Variants in MRRF observed in about 807,000 individuals in gnomAD.
The protein encoded by MRRF is ribosome-recycling factor, mitochondrial.
In MRRF, 18 loss-of-function variants were observed where a neutral mutation model predicts 25.1. That is an observed-to-expected ratio of 0.72 (90% CI 0.50 to 1.06). The LOEUF (loss-of-function observed/expected upper bound fraction) is 1.06. Ranked by LOEUF, MRRF falls within the 50% of genes least tolerant of loss-of-function variation. MRRF has a pLI of 0.00. For missense variants in MRRF, 323 were observed against 319.3 expected, an observed-to-expected ratio of 1.01 and a Z score of -0.09; for synonymous variants, 113 against 112.1, an observed-to-expected ratio of 1.01 and a Z score of -0.05.
At chr9:122,281,519 G>A (rs1380712897) in intron 3 of MRRF, among the ~76,000 whole-genome samples, 1 of 152,248 alleles carries the variant, frequency 6.6e-6, no homozygotes, top group African/African-American at 2.4e-5. Context: ...CTAGAAGACT[G>A]TTCCCGTCAC....
chr9:122,285,775 TA>T (rs1379884760), intron 4 of MRRF: 1 of 1,265,974 alleles, frequency 7.9e-7, no homozygotes, highest in Non-Finnish European at 1.0e-6. Context: ...GTTTTTTTTT[TA>T]AAGACTATGA....
intron 5 of MRRF, among the ~76,000 whole-genome samples, chr9:122,299,643 C>T (rs1408593107): frequency 2.6e-5 from 4 of 151,992 alleles, no homozygotes; most frequent in East Asian, 1.9e-4. Context: ...AAGCCTTGGA[C>T]ACTTCAAGGT....
At position 122,323,741 on chromosome 9, in the gene MRRF, G is replaced by A. The variant is rs376323893; in HGVS notation, c.*1124G>A. The A allele has an allele frequency of 1.9e-4, 29 of 152,288 alleles. 1 individual carries two copies. The highest frequency in any genetic ancestry group is 6.5e-4 in the African/African-American group (27 of 41,544). 9.4% of individuals were successfully genotyped at this position (152,288 alleles called of 1,614,324 possible). A position where few individuals can be genotyped will look rare whatever the true frequency, so the allele number is the denominator to read the frequency against. On this transcript the variant is annotated 3_prime_UTR_variant, in exon 7 of 7. Coordinates refer to ENST00000344641, the MANE Select transcript of MRRF (RefSeq NM_138777.5). ...TATAATCTTGACAGTAAACTTAAGA[G>A]ATGTGTATTATCTTCATTTACAAAT...
intron 2 of MRRF, among the ~76,000 whole-genome samples, chr9:122,276,702 A>G (rs1275618918): frequency 2.0e-5 from 3 of 152,150 alleles, no homozygotes; most frequent in African/African-American, 4.8e-5. Flanking sequence ...AGAAGGTCCA[A>G]GTGTGCTTGA....
chr9:122,310,175 C>A (rs868451195), intron 5 of MRRF, among the ~76,000 whole-genome samples: 3 of 152,214 alleles, frequency 2.0e-5, no homozygotes, highest in South Asian at 4.1e-4. Flanking sequence ...AAGGCTCAGA[C>A]GGTTTAAATA....
intron 5 of MRRF, among the ~76,000 whole-genome samples, chr9:122,297,500 G>A (rs1834165105): frequency 6.6e-6 from 1 of 151,060 alleles, no homozygotes; most frequent in South Asian, 2.1e-4. Context: ...GTGTGCCATT[G>A]CTCTCTGTTA....
At chr9:122,313,459 G>A (rs1835325845) in intron 6 of MRRF, 73 bp downstream of exon 6, 11 of 1,513,874 alleles carry the variant, frequency 7.3e-6, no homozygotes, top group Non-Finnish European at 1.0e-5. Context: ...TTGAGGTGAG[G>A]ACAGTTAAAA....
At chr9:122,311,458 G>A (rs1399832485) in intron 5 of MRRF, among the ~76,000 whole-genome samples, 1 of 152,162 alleles carries the variant, frequency 6.6e-6, no homozygotes, top group Non-Finnish European at 1.5e-5. Context: ...GATTGGACAC[G>A]ATTACATGTG....
rs769689805 is a variant in MRRF, at chr9:122,291,825, G to A, written c.536G>A (p.Arg179Gln). Reference protein sequence around the residue: ...LNPEVEGTLIRVPIPQVTREH... With the variant: ...LNPEVEGTLIQVPIPQVTREH... ...CCAGAAGTGGAAGGGACGCTAATTCGGGTACCCATTCCCCAGTAAGTTTGG... is the reference window on the plus strand; with the variant it reads ...CCAGAAGTGGAAGGGACGCTAATTCAGGTACCCATTCCCCAGTAAGTTTGG... The change falls in exon 5 of 7, where the codon CGG becomes CAG. Residue 179 changes from arginine (R) to glutamine (Q), a missense_variant. By Grantham distance (43) the Arg-to-Gln change is conservative. Coordinates refer to ENST00000344641, the MANE Select transcript of MRRF (RefSeq NM_138777.5). 13 of 1,613,060 alleles carry A rather than the reference G, an allele frequency of 8.1e-6. No homozygotes were observed. The East Asian group carries it at 2.5e-4, about 30-fold the overall frequency.
rs1169696091 is a variant in MRRF at position 122,327,880 on chromosome 9, TG to T, written c.*5265del. On this transcript the variant is annotated 3_prime_UTR_variant, in exon 7 of 7. Coordinates refer to ENST00000344641, the MANE Select transcript of MRRF (RefSeq NM_138777.5). ...TATTTTAGGTGTTTCTTTTTTTTTT[TG>T]GAATTGGGTTTTGTTCGATGAACCA... The T allele has an allele frequency of 6.6e-6, 1 of 152,010 alleles. No individual in the cohort carries two copies. The highest frequency in any genetic ancestry group is 6.5e-5 in the Admixed American group (1 of 15,268). The allele number at this position is 152,010 out of a possible 1,614,324, so 9.4% of individuals were successfully genotyped here.
At chr9:122,298,162 C>T (rs1449485681) in intron 5 of MRRF, among the ~76,000 whole-genome samples, 1 of 152,140 alleles carries the variant, frequency 6.6e-6, no homozygotes, top group African/African-American at 2.4e-5. Flanking sequence ...CATCCATGGA[C>T]TTCTGAGAGT....
Position 122,280,472 on chromosome 9 carries a change from GT to G in MRRF, c.215del (p.Val72GlyfsTer11). On this transcript the variant is annotated frameshift_variant, in exon 3 of 7. Coordinates refer to ENST00000344641, the MANE Select transcript of MRRF (RefSeq NM_138777.5). LOFTEE classifies it high-confidence loss of function. ...AGGGAAAGGACAGTCCCAAACCAGA[GT>G]GAATATTAATGCTGCCTTGGTTGAG... ...AKGKGQSQTR[V>X]NINAALVEDI... The G allele has an allele frequency of 6.2e-7, 1 of 1,614,156 alleles. No homozygotes were observed. Among genetic ancestry groups the G allele is most frequent in the Non-Finnish European group, 8.5e-7 (1 of 1,180,002 alleles).
intron 5 of MRRF, among the ~76,000 whole-genome samples, chr9:122,293,818 C>T (rs1046937721): frequency 2.6e-5 from 4 of 152,106 alleles, no homozygotes; most frequent in African/African-American, 4.8e-5. Flanking sequence ...TTTGTATTGC[C>T]TCCAACTTAC....
chr9:122,325,631 G>GTT lies in MRRF; in HGVS notation c.*3014_*3015insTT, dbSNP rs1305136444. On this transcript the variant is annotated 3_prime_UTR_variant, in exon 7 of 7. Transcript: ENST00000344641. The stretch of plus-strand genomic sequence containing the variant: ...GAATTTGAGAATTTTTTTCCTGTCT[G>GTT]GTGTGTGTGTGTGTGTGTGTGTGTG... 1 of 116,590 alleles carries GTT rather than the reference G, an allele frequency of 8.6e-6. No homozygotes were observed. The highest frequency in any genetic ancestry group is 3.4e-5 in the African/African-American group (1 of 28,988). 7.2% of individuals were successfully genotyped at this position (116,590 alleles called of 1,614,324 possible). A position where few individuals can be genotyped will look rare whatever the true frequency, so the allele number is the denominator to read the frequency against.
intron 1 of MRRF, 29 bp from the exon 2 acceptor site, chr9:122,270,835 A>G: frequency 6.4e-7 from 1 of 1,570,106 alleles, no homozygotes; most frequent in Non-Finnish European, 8.8e-7. Context: ...TCTTTTACTT[A>G]GATCTGCTTT....
intron 5 of MRRF, among the ~76,000 whole-genome samples, chr9:122,308,967 C>T (rs868856872): frequency 2.0e-5 from 3 of 152,236 alleles, no homozygotes; most frequent in Non-Finnish European, 2.9e-5. Flanking sequence ...TAAGTATATT[C>T]ACATTGCTGT....
chr9:122,294,511 T>C (rs1010480870), intron 5 of MRRF, among the ~76,000 whole-genome samples: 6 of 152,228 alleles, frequency 3.9e-5, no homozygotes, highest in African/African-American at 1.4e-4. Context: ...CAAACCTCAT[T>C]TTTTTATATA....
chr9:122,265,235 T>C (rs1831991468), intron 1 of MRRF, among the ~76,000 whole-genome samples: 1 of 152,142 alleles, frequency 6.6e-6, no homozygotes, highest in South Asian at 2.1e-4. Flanking sequence ...GGAGTAGATA[T>C]TATTATCTCC....
intron 3 of MRRF, among the ~76,000 whole-genome samples, chr9:122,284,443 C>A (rs1164274282): frequency 6.6e-6 from 1 of 152,170 alleles, no homozygotes; most frequent in Non-Finnish European, 1.5e-5. Context: ...GTAAGAGGTA[C>A]AGTCCTCACT....
Sources: allele counts gnomAD v4.1 joint callset (sites outside exome capture counted in the v4.1 genomes callset), GRCh38; gene constraint gnomAD v4.1.1; transcripts MANE v1.5; gene names NCBI Gene and HGNC (gene_info 2026-07-23, HGNC 2026-07-21).